Variants in MYO18B observed in about 807,000 individuals in gnomAD.
MYO18B encodes the protein myosin XVIIIB.
Under a neutral mutation model 273.0 loss-of-function variants are expected in MYO18B, and 204 were observed. The observed-to-expected ratio is 0.75, with a 90% confidence interval of 0.67 to 0.84. The LOEUF is 0.84. Ranked by LOEUF, MYO18B falls within the 40% of genes least tolerant of loss-of-function variation. The pLI is 0.00. For synonymous variants in MYO18B, 1,330 were observed against 1,305.7 expected (o/e 1.02, Z -0.40); for missense variants, 3,212 against 3,287.6 (o/e 0.98, Z 0.56).
chr22:25,966,852 A>G (rs1479869571), intron 39 of MYO18B, among the ~76,000 whole-genome samples: 2 of 152,234 alleles, frequency 1.3e-5, no homozygotes, highest in African/African-American at 2.4e-5. Flanking sequence ...TTTATCTCAC[A>G]TGGTGAATGT....
chr22:26,007,060 C>T (rs1934493818), intron 42 of MYO18B, among the ~76,000 whole-genome samples: 2 of 152,162 alleles, frequency 1.3e-5, no homozygotes, highest in Non-Finnish European at 2.9e-5. Context: ...TTCCCTTTCC[C>T]CTTCCAAGTT....
At chr22:26,062,790 C>G in the MYO18B span, among the ~76,000 whole-genome samples, 1 of 152,082 alleles carries the variant, frequency 6.6e-6, no homozygotes, top group East Asian at 1.9e-4. Flanking sequence ...GAATGCAATC[C>G]CCAAGGCCAA....
At chr22:25,999,589 C>G (rs1421787361) in intron 40 of MYO18B, among the ~76,000 whole-genome samples, 2 of 122,138 alleles carry the variant, frequency 1.6e-5, no homozygotes, top group Non-Finnish European at 3.4e-5. Context: ...TCCTCCTCCT[C>G]TTCCTCCTTT....
At chr22:25,962,073 A>G (rs1032440027) in intron 39 of MYO18B, among the ~76,000 whole-genome samples, 4 of 152,198 alleles carry the variant, frequency 2.6e-5, no homozygotes, top group African/African-American at 9.6e-5. Context: ...TGAGCCAAGT[A>G]AACCTCTTTT....
At chr22:25,802,675 C>T (rs1412386339) in intron 12 of MYO18B, among the ~76,000 whole-genome samples, 1 of 150,790 alleles carries the variant, frequency 6.6e-6, no homozygotes, top group Non-Finnish European at 1.5e-5. Flanking sequence ...ATGGCGTGAA[C>T]CCGGGAGGCA....
intron 39 of MYO18B, among the ~76,000 whole-genome samples, chr22:25,961,143 G>A (rs1329180610): frequency 6.6e-6 from 1 of 151,548 alleles, no homozygotes; most frequent in Non-Finnish European, 1.5e-5. Context: ...GATTGCTTGA[G>A]CCCAGGAGTT....
rs1217186511 is a variant in MYO18B, at chr22:25,787,304, A to AGT, written c.2376+1813_2376+1814insGT. On this transcript the variant is annotated intron_variant, in intron 11 of 43. Transcript: ENST00000335473. ...CACACACACACACACACACACACAC[A>AGT]CACACAGTCTGTCTTACACAGTGCT... is the stretch of plus-strand genomic sequence containing the variant. 3.6e-4 allele frequency among the ~76,000 whole-genome samples: 48 copies of AGT among 132,568 alleles called. 1 individual carries two copies. Among genetic ancestry groups the AGT allele is most frequent in the African/African-American group, 1.1e-3 (40 of 35,898 alleles). 87.0% of individuals were successfully genotyped at this position (132,568 alleles called of 152,430 possible). A position where few individuals can be genotyped will look rare whatever the true frequency, so the allele number is the denominator to read the frequency against.
intron 17 of MYO18B, among the ~76,000 whole-genome samples, 198 bp downstream of exon 17, chr22:25,835,641 A>G (rs975627752): frequency 2.0e-5 from 3 of 152,244 alleles, no homozygotes; most frequent in Non-Finnish European, 4.4e-5. Context: ...TGTGCTGGGT[A>G]CTGTTCCATG....
the MYO18B span, among the ~76,000 whole-genome samples, chr22:26,048,921 G>T: frequency 6.6e-6 from 1 of 152,134 alleles, no homozygotes; most frequent in Non-Finnish European, 1.5e-5. Flanking sequence ...AGTGGTAGAA[G>T]TGTTTTCTTT....
At chr22:25,893,524 C>A (rs1390969676) in intron 27 of MYO18B, among the ~76,000 whole-genome samples, 1 of 152,204 alleles carries the variant, frequency 6.6e-6, no homozygotes, top group African/African-American at 2.4e-5. Context: ...ACATGGGAAG[C>A]TGCAGAAATG....
At chr22:25,802,522 G>A (rs568839925) in intron 12 of MYO18B, among the ~76,000 whole-genome samples, 48 of 152,016 alleles carry the variant, frequency 3.2e-4, no homozygotes, top group Non-Finnish European at 5.4e-4. Context: ...AGGCTGAGGC[G>A]GGCAGATCAC....
At chr22:26,039,633 T>A in the MYO18B span, among the ~76,000 whole-genome samples, 12,774 of 152,154 alleles carry the variant, frequency 0.084, 944 homozygotes, top group African/African-American at 0.2. Context: ...GTTTTAGTTA[T>A]ATATGTATAT....
At chr22:25,994,911 C>T (rs1250505758) in intron 40 of MYO18B, among the ~76,000 whole-genome samples, 1 of 152,164 alleles carries the variant, frequency 6.6e-6, no homozygotes, top group Non-Finnish European at 1.5e-5. Context: ...ACTTGCATAG[C>T]AAGAGATTGC....
intron 34 of MYO18B, among the ~76,000 whole-genome samples, chr22:25,931,182 T>C (rs1207549082): frequency 1.3e-5 from 2 of 152,232 alleles, no homozygotes; most frequent in African/African-American, 4.8e-5. Flanking sequence ...AATGTTAACA[T>C]AACCTCCTGT....
chr22:25,915,089 T>C (rs1023562068), intron 33 of MYO18B, among the ~76,000 whole-genome samples: 1 of 152,174 alleles, frequency 6.6e-6, no homozygotes, highest in African/African-American at 2.4e-5. Context: ...TTTCTTTTTC[T>C]TACCTTATTT....
At chr22:26,060,110 C>T in the MYO18B span, among the ~76,000 whole-genome samples, 1 of 152,216 alleles carries the variant, frequency 6.6e-6, no homozygotes, top group African/African-American at 2.4e-5. Context: ...CCCCAGCGTC[C>T]TTTAGTGAGC....
At position 25,874,271 on chromosome 22, in the gene MYO18B, C is replaced by A. The variant is rs1380533866; in HGVS notation, c.3952-15C>A. The A allele has an allele frequency of 6.2e-7, 1 of 1,613,610 alleles. No individual in the cohort carries two copies. ...CTTCAGCAGAGGACTCACCTGAAAC[C>A]TTCCCTCTCCCCAGGTTTTTCTCAA... On this transcript the variant is annotated splice_polypyrimidine_tract_variant and intron_variant, in intron 22 of 43. Coordinates refer to ENST00000335473, the MANE Select transcript of MYO18B (RefSeq NM_032608.7).
At chr22:25,994,967 AGGAGGC>A (rs543890940) in intron 40 of MYO18B, among the ~76,000 whole-genome samples, 459 of 152,328 alleles carry the variant, frequency 3.0e-3, no homozygotes, top group African/African-American at 9.4e-3. Flanking sequence ...CCAAATTGGA[AGGAGGC>A]GGAGGGTCCA....
intron 22 of MYO18B, among the ~76,000 whole-genome samples, chr22:25,868,630 G>A (rs1266639709): frequency 6.6e-6 from 1 of 152,206 alleles, no homozygotes; most frequent in East Asian, 1.9e-4. Flanking sequence ...GGGACCCCAA[G>A]TGGTTTGGAG....
Sources: gnomAD v4.1 joint callset for allele counts (sites outside exome capture counted in the v4.1 genomes callset) on GRCh38, gnomAD v4.1.1 for gene constraint, MANE v1.5 for transcripts, NCBI Gene and HGNC (gene_info 2026-07-23, HGNC 2026-07-21) for gene names.